POLN: variants seen among roughly 807,000 people sequenced by gnomAD.
POLN encodes the protein DNA polymerase N.
A neutral mutation model predicts 113.5 loss-of-function variants in POLN; 108 were observed. The ratio of observed to expected loss-of-function variants is 0.95; its 90% CI spans 0.81 to 1.12. The LOEUF (loss-of-function observed/expected upper bound fraction) is 1.12. POLN is among the 50% of genes most tolerant of loss of function. The probability of loss-of-function intolerance (pLI) is 0.00; values close to 1 mark genes in which losing one functional copy is unlikely to be tolerated. For synonymous variants in POLN, 386 were observed against 391.5 expected (o/e 0.99, Z 0.17); for missense variants, 1,097 against 1,077.1 (o/e 1.02, Z -0.26).
chr4:2,207,986 C>A lies in POLN; in HGVS notation c.714+1G>T. 1 of 1,591,926 alleles carries A rather than the reference C, an allele frequency of 6.3e-7. No individual in the cohort carries two copies. The highest frequency in any genetic ancestry group is 2.2e-5 in the East Asian group (1 of 44,618). On this transcript the variant is annotated splice_donor_variant, in intron 5 of 25. Transcript: ENST00000511885. LOFTEE classifies it high-confidence loss of function. ...AAATAAAAACATCACTGTTTACTAA[C>A]CTGGTCAGCTCCTAGCTGGGTGGAA... is the stretch of plus-strand genomic sequence containing the variant.
chr4:2,211,893 C>T (rs1415503841), intron 4 of POLN, among the ~76,000 whole-genome samples: 3 of 152,022 alleles, frequency 2.0e-5, no homozygotes, highest in Non-Finnish European at 4.4e-5. Flanking sequence ...CCTTCGGGAT[C>T]CAAGGAGCAC....
intron 21 of POLN, 81 bp downstream of exon 21, chr4:2,085,532 C>T (rs1577682231): frequency 1.3e-6 from 2 of 1,578,494 alleles, no homozygotes; most frequent in East Asian, 2.2e-5. Flanking sequence ...GGCCCGCCTG[C>T]ACACCAACCA....
chr4:2,157,786 G>T, intron 15 of POLN, 72 bp downstream of exon 15: 1 of 763,466 alleles, frequency 1.3e-6, no homozygotes, highest in Non-Finnish European at 2.0e-6. Context: ...AAATTACAAA[G>T]GTTCTATATG....
At chr4:2,135,411 G>A (rs1184530631) in intron 16 of POLN, among the ~76,000 whole-genome samples, 2 of 152,270 alleles carry the variant, frequency 1.3e-5, no homozygotes, top group Non-Finnish European at 2.9e-5. Context: ...GGCACTGTGC[G>A]CCAACCAGAT....
intron 17 of POLN, 85 bp from the exon 18 acceptor site, chr4:2,129,341 T>C (rs998804515): frequency 1.2e-6 from 1 of 852,238 alleles, no homozygotes. Context: ...ATTTGAATAT[T>C]ATTCTGAAGT....
chr4:2,152,950 CCAGTA>C (rs1207479125), intron 16 of POLN, among the ~76,000 whole-genome samples: 1 of 152,190 alleles, frequency 6.6e-6, no homozygotes, highest in Non-Finnish European at 1.5e-5. Context: ...TCCTCTGTAC[CCAGTA>C]CAGTAATTAC....
intron 16 of POLN, among the ~76,000 whole-genome samples, chr4:2,148,265 G>A (rs1340690943): frequency 6.6e-6 from 1 of 152,142 alleles, no homozygotes; most frequent in Non-Finnish European, 1.5e-5. Context: ...ATAAAAGTGA[G>A]TCTCAGTGAG....
At position 2,208,407 on chromosome 4, in the gene POLN, A is replaced by T. The variant is rs746564139; in HGVS notation, c.294T>A (p.Asp98Glu). 2.5e-6 allele frequency: 4 copies of T among 1,610,644 alleles called. No homozygotes were observed. Among genetic ancestry groups the T allele is most frequent in the Non-Finnish European group, 3.4e-6 (4 of 1,179,252 alleles). ...TCTGTTTTTGGTCAGCAGACAGCTG[A>T]TCTGTGAGCCTGACACTGAAGGACT... Reference protein sequence around the residue: ...SPQSFSVRLTDQLSADQKQKS... With the variant: ...SPQSFSVRLTEQLSADQKQKS... The change falls in exon 5 of 26, where the codon GAT (aspartate) becomes GAA (glutamate). Residue 98 changes from aspartate (D) to glutamate (E), a missense_variant. Asp to Glu is a conservative substitution (Grantham distance 45, BLOSUM62 2). Coordinates refer to ENST00000511885, the MANE Select transcript of POLN (RefSeq NM_181808.4).
chr4:2,220,098 C>T (rs1231721034), intron 3 of POLN, among the ~76,000 whole-genome samples: 3 of 152,134 alleles, frequency 2.0e-5, no homozygotes, highest in African/African-American at 7.2e-5. Flanking sequence ...CTCCCAGCTA[C>T]AAATTCGCCT....
intron 5 of POLN, among the ~76,000 whole-genome samples, chr4:2,204,296 A>G (rs551543042): frequency 5.9e-5 from 9 of 152,194 alleles, no homozygotes; most frequent in African/African-American, 2.2e-4. Flanking sequence ...AAGATCACTC[A>G]AGGCTACTAT....
At chr4:2,240,867 A>C (rs1339110716) in intron 2 of POLN, 4 of 1,612,046 alleles carry the variant, frequency 2.5e-6, no homozygotes, top group Non-Finnish European at 2.5e-6. Context: ...CAACCAGTCA[A>C]AGTCTTCTCC....
chr4:2,216,958 A>G (rs73201271), intron 3 of POLN, among the ~76,000 whole-genome samples: 12,580 of 152,254 alleles, frequency 0.083, 751 homozygotes, highest in African/African-American at 0.16. Flanking sequence ...GTGTGCCAGC[A>G]TGGGCGCAGC....
At position 2,239,043 on chromosome 4, in the gene POLN, C is replaced by T. The variant is rs140394787; in HGVS notation, c.-13+2477G>A. On this transcript the variant is annotated intron_variant, in intron 2 of 25. Transcript: ENST00000511885. ...GCATCCAAATTTTCTTTGTCCACAG[C>T]CTATACAAAGAAAAGCAATTACATT... 6.8e-7 allele frequency: 1 copy of T among 1,479,762 alleles called. No homozygotes were observed. The highest frequency in any genetic ancestry group is 9.0e-7 in the Non-Finnish European group (1 of 1,114,046). The allele number at this position is 1,479,762 out of a possible 1,614,324, so 91.7% of individuals were successfully genotyped here.
At position 2,208,154 on chromosome 4, in the gene POLN, C is replaced by A. The variant is rs1733899832; in HGVS notation, c.547G>T (p.Gly183Cys). The change falls in exon 5 of 26, where the codon GGC becomes TGC. Residue 183 changes from glycine (G) to cysteine (C), a missense_variant. Transcript: ENST00000511885. ...CCTGAGTTCCCAGAATTTAGGTAGCCTTCGGCGTCATCAGTATCTTCTTCC... is the reference window on the plus strand; with the variant it reads ...CCTGAGTTCCCAGAATTTAGGTAGCATTCGGCGTCATCAGTATCTTCTTCC... Reference protein sequence around the residue: ...ALEEDTDDAEGYLNSGNSGAL... With the variant: ...ALEEDTDDAECYLNSGNSGAL... 6.2e-7 allele frequency: 1 copy of A among 1,614,030 alleles called. No homozygotes were observed. The highest frequency in any genetic ancestry group is 8.5e-7 in the Non-Finnish European group (1 of 1,180,018).
At chr4:2,196,488 G>A (rs1733576337) in intron 6 of POLN, among the ~76,000 whole-genome samples, 2 of 152,122 alleles carry the variant, frequency 1.3e-5, no homozygotes, top group African/African-American at 4.8e-5. Context: ...GAACGCTCCA[G>A]ATTAGAAAAA....
rs1183981530 is a variant in POLN, at chr4:2,238,770, A to C, written c.-13+2750T>G. On this transcript the variant is annotated intron_variant, in intron 2 of 25. Transcript: ENST00000511885. ...CGATATATGTCCCGATGCTTTCTTA[A>C]TTCAATTTCATATGATAACTGTAGA... 1.9e-6 allele frequency: 3 copies of C among 1,613,836 alleles called. No homozygotes were observed. The South Asian group carries it at 3.3e-5, about 18-fold the overall frequency.
intron 16 of POLN, among the ~76,000 whole-genome samples, chr4:2,147,323 G>A (rs1732168230): frequency 6.6e-6 from 1 of 152,200 alleles, no homozygotes; most frequent in Non-Finnish European, 1.5e-5. Flanking sequence ...GTGGCTCCTG[G>A]CAGTGCAATG....
At chr4:2,223,441 G>C (rs767175028) in intron 3 of POLN, among the ~76,000 whole-genome samples, 1 of 152,144 alleles carries the variant, frequency 6.6e-6, no homozygotes, top group Non-Finnish European at 1.5e-5. Flanking sequence ...AATAGGTTGC[G>C]AGCTCCTTAT....
intron 19 of POLN, among the ~76,000 whole-genome samples, chr4:2,097,511 CAGCTAATTTTTGTAT>C (rs1357533089): frequency 1.3e-5 from 2 of 152,122 alleles, no homozygotes; most frequent in Non-Finnish European, 2.9e-5. Flanking sequence ...CCACCATGCC[CAGCTAATTTTTGTAT>C]TTTTAGTAGA....
Sources: gnomAD v4.1 joint callset for allele counts (sites outside exome capture counted in the v4.1 genomes callset) on GRCh38, gnomAD v4.1.1 for gene constraint, MANE v1.5 for transcripts, NCBI Gene and HGNC (gene_info 2026-07-23, HGNC 2026-07-21) for gene names.